NDUFAF7: variants seen among roughly 807,000 people sequenced by gnomAD.
The protein encoded by NDUFAF7 is NADH:ubiquinone oxidoreductase complex assembly factor 7.
A neutral mutation model predicts 47.2 loss-of-function variants in NDUFAF7; 48 were observed. That is an observed-to-expected ratio of 1.02 (90% confidence interval 0.81 to 1.29). The LOEUF (loss-of-function observed/expected upper bound fraction) is 1.29. Ranked by LOEUF, NDUFAF7 falls within the 50% of genes most tolerant of loss-of-function variation. The pLI is 0.00. For missense variants in NDUFAF7, 635 were observed against 537.6 expected (o/e 1.18, Z -1.79); for synonymous variants, 217 against 190.0 (o/e 1.14, Z -1.17).
chr2:37,262,772 G>A, the NDUFAF7 span, among the ~76,000 whole-genome samples: 1 of 151,832 alleles, frequency 6.6e-6, no homozygotes, highest in African/African-American at 2.4e-5. Context: ...TCCTCTATTG[G>A]TTTACATTTT....
In NDUFAF7 at chr2:37,243,949, C is replaced by T. The variant is rs1418083127; in HGVS notation, c.768C>T (p.Ala256=). ...DKLRFVLAPS[A]TPAEAFIQHD... ...TGAGGTTTGTTTTGGCACCTTCTGC[C>T]ACCCCAGCAGAAGCCTTCATACAAG... Residue 256 remains alanine (A), a synonymous_variant, in exon 7 of 10, where the codon GCC becomes GCT. Transcript: ENST00000002125. The T allele has an allele frequency of 1.2e-6, 2 of 1,612,806 alleles. No homozygotes were observed. Among genetic ancestry groups the T allele is most frequent in the East Asian group, 2.2e-5 (1 of 44,860 alleles).
the NDUFAF7 span, among the ~76,000 whole-genome samples, chr2:37,264,115 T>C: frequency 1.3e-5 from 2 of 152,146 alleles, no homozygotes; most frequent in African/African-American, 2.4e-5. Context: ...CCCTCCCCAA[T>C]TTTTTTCCTG....
rs1666649093 is a variant in NDUFAF7 at position 37,243,947 on chromosome 2, G to A, written c.766G>A (p.Ala256Thr). The A allele has an allele frequency of 1.2e-6, 2 of 1,613,338 alleles. No individual in the cohort carries two copies. The highest frequency in any genetic ancestry group is 1.7e-6 in the Non-Finnish European group (2 of 1,179,424). ...ACTGAGGTTTGTTTTGGCACCTTCT[G>A]CCACCCCAGCAGAAGCCTTCATACA... ...DKLRFVLAPS[A>T]TPAEAFIQHD... is the part of the protein sequence containing the mutation. The change falls in exon 7 of 10, where the codon GCC becomes ACC. Residue 256 changes from alanine to threonine, a missense_variant. By Grantham distance (58) the Ala-to-Thr change is moderately conservative (BLOSUM62 0). Coordinates refer to ENST00000002125, the MANE Select transcript of NDUFAF7 (RefSeq NM_144736.5).
the NDUFAF7 span, chr2:37,269,755 C>G: frequency 3.5e-6 from 4 of 1,134,706 alleles, no homozygotes; most frequent in Non-Finnish European, 5.2e-6. Flanking sequence ...CTCTGACTTT[C>G]TTCATCCAAA....
At chr2:37,263,465 C>T in the NDUFAF7 span, among the ~76,000 whole-genome samples, 2 of 152,092 alleles carry the variant, frequency 1.3e-5, no homozygotes, top group Admixed American at 6.6e-5. Flanking sequence ...AGACCTTGTA[C>T]GTTCTTAATT....
At chr2:37,267,019 C>T in the NDUFAF7 span, among the ~76,000 whole-genome samples, 6 of 152,144 alleles carry the variant, frequency 3.9e-5, no homozygotes, top group South Asian at 6.2e-4. Context: ...ACGCCCCAAT[C>T]GACTAAGCCA....
the NDUFAF7 span, chr2:37,260,379 CA>C: frequency 6.2e-7 from 1 of 1,610,282 alleles, no homozygotes; most frequent in Non-Finnish European, 8.5e-7. Flanking sequence ...CAGGATGGTG[CA>C]AATTCTGAAG....
chr2:37,257,937 T>A (rs185311757), downstream of NDUFAF7, among the ~76,000 whole-genome samples: 1 of 152,148 alleles, frequency 6.6e-6, no homozygotes, highest in Non-Finnish European at 1.5e-5. Context: ...AAGGGAGCCA[T>A]AGTCACTACC....
At chr2:37,264,675 C>T in the NDUFAF7 span, among the ~76,000 whole-genome samples, 1 of 151,872 alleles carries the variant, frequency 6.6e-6, no homozygotes, top group South Asian at 2.1e-4. Flanking sequence ...AATGCAAAGC[C>T]TTTTGAGACA....
At chr2:37,235,553 C>T (rs528453508) in intron 2 of NDUFAF7, among the ~76,000 whole-genome samples, 2 of 152,166 alleles carry the variant, frequency 1.3e-5, no homozygotes, top group Admixed American at 6.5e-5. Context: ...TCTGCCTTTA[C>T]GGTCAAGGTG....
chr2:37,245,762 A>G (rs995462716), intron 7 of NDUFAF7, among the ~76,000 whole-genome samples: 1 of 152,218 alleles, frequency 6.6e-6, no homozygotes, highest in Non-Finnish European at 1.5e-5. Flanking sequence ...GTAATTTTAC[A>G]TTAAATGATA....
intron 2 of NDUFAF7, among the ~76,000 whole-genome samples, chr2:37,232,902 T>C (rs1206981528): frequency 6.6e-6 from 1 of 152,196 alleles, no homozygotes; most frequent in African/African-American, 2.4e-5. Flanking sequence ...ATATTTCATC[T>C]TTTGCTGGGT....
At chr2:37,244,984 G>A in intron 7 of NDUFAF7, among the ~76,000 whole-genome samples, 1 of 152,196 alleles carries the variant, frequency 6.6e-6, no homozygotes, top group East Asian at 1.9e-4. Flanking sequence ...TCATCTTGAA[G>A]AGTAGCCTAA....
chr2:37,270,215 G>A, the NDUFAF7 span, among the ~76,000 whole-genome samples: 3,377 of 151,592 alleles, frequency 0.022, 56 homozygotes, highest in Middle Eastern at 0.037. Flanking sequence ...CAACAAGAGC[G>A]AGACTCCATC....
At position 37,236,138 on chromosome 2, in the gene NDUFAF7, T is replaced by G. The variant is rs754429279; in HGVS notation, c.259T>G (p.Phe87Val). Residue 87 changes from phenylalanine to valine, a missense_variant, in exon 3 of 10, where the codon TTC (phenylalanine) becomes GTC (valine). Physicochemically the swap from Phe to Val is conservative, Grantham distance 50. Transcript: ENST00000002125. ...YRDMLGEKGD[F>V]ITSPEISQIF... ...TGACATGCTAGGCGAAAAAGGAGATTTCATTACTTCACCTGAAATAAGTCA... is the reference window on the plus strand; with the variant it reads ...TGACATGCTAGGCGAAAAAGGAGATGTCATTACTTCACCTGAAATAAGTCA... 1.2e-6 allele frequency: 2 copies of G among 1,613,356 alleles called. No individual in the cohort carries two copies. The highest frequency in any genetic ancestry group is 1.1e-5 in the South Asian group (1 of 91,070).
downstream of NDUFAF7, chr2:37,253,421 G>GTT (rs138987723): frequency 1.6e-4 from 206 of 1,308,526 alleles, no homozygotes; most frequent in African/African-American, 5.9e-4. Context: ...TTTGTTTTGT[G>GTT]TTTTTTTTTG....
At chr2:37,238,897 TAAA>T (rs1308042640) in intron 4 of NDUFAF7, among the ~76,000 whole-genome samples, 9 of 47,124 alleles carry the variant, frequency 1.9e-4, no homozygotes, top group Admixed American at 1.8e-3. Context: ...TACAAACGGC[TAAA>T]AAAGCAAAAA....
At chr2:37,240,314 C>A (rs1050858910) in intron 4 of NDUFAF7, among the ~76,000 whole-genome samples, 20 of 151,678 alleles carry the variant, frequency 1.3e-4, no homozygotes, top group Admixed American at 1.1e-3. Flanking sequence ...AGTTGAGGGG[C>A]TGAGATGGGA....
intron 3 of NDUFAF7, 75 bp from the exon 4 acceptor site, chr2:37,237,682 G>A: frequency 8.5e-7 from 1 of 1,182,418 alleles, no homozygotes; most frequent in South Asian, 1.3e-5. Context: ...GCATATTTAT[G>A]TGAAATTTTA....
Sources: allele counts gnomAD v4.1 joint callset (sites outside exome capture counted in the v4.1 genomes callset), GRCh38; gene constraint gnomAD v4.1.1; transcripts MANE v1.5; gene names NCBI Gene and HGNC (gene_info 2026-07-23, HGNC 2026-07-21).